KALRN: variants seen among roughly 807,000 people sequenced by gnomAD.
KALRN encodes kalirin.
A neutral mutation model predicts 353.7 loss-of-function variants in KALRN; 70 were observed. The ratio of observed to expected loss-of-function variants is 0.20; its 90% CI spans 0.16 to 0.24. KALRN has a LOEUF of 0.24. Among genes scored for constraint, KALRN ranks in the 10% least tolerant of loss-of-function variants. The pLI, the probability that KALRN is intolerant of heterozygous loss-of-function variation, is 1.00. For missense variants in KALRN, 2,791 were observed against 3,756.7 expected (o/e 0.74, Z 6.72); for synonymous variants, 1,391 against 1,434.8 (o/e 0.97, Z 0.69).
At chr3:124,395,739 A>C (rs2090083305) in intron 12 of KALRN, among the ~76,000 whole-genome samples, 1 of 152,196 alleles carries the variant, frequency 6.6e-6, no homozygotes, top group East Asian at 1.9e-4. Flanking sequence ...TCTGACCTCC[A>C]GTGCCCCAGT....
chr3:124,533,159 TG>T (rs2068201240), intron 33 of KALRN, among the ~76,000 whole-genome samples: 2 of 151,584 alleles, frequency 1.3e-5, no homozygotes, highest in Non-Finnish European at 2.9e-5. Flanking sequence ...GAGGCCAAGG[TG>T]GTAGGATCAC....
chr3:124,664,060 C>T (rs949054043), intron 45 of KALRN, among the ~76,000 whole-genome samples: 3 of 152,110 alleles, frequency 2.0e-5, no homozygotes, highest in East Asian at 1.9e-4. Flanking sequence ...CAGGGTTACT[C>T]GGCAGACACA....
chr3:124,677,484 A>G, intron 49 of KALRN: 1 of 413,858 alleles, frequency 2.4e-6, no homozygotes, highest in South Asian at 1.8e-5. Context: ...CTGGGAGCAC[A>G]CATTAGTTCT....
At chr3:124,125,372 A>G (rs1213065648) in intron 1 of KALRN, among the ~76,000 whole-genome samples, 1 of 152,232 alleles carries the variant, frequency 6.6e-6, no homozygotes, top group Non-Finnish European at 1.5e-5. Flanking sequence ...AGAACAGACA[A>G]CTACACATGA....
At chr3:124,399,262 C>T (rs544302250) in intron 13 of KALRN, among the ~76,000 whole-genome samples, 1 of 152,298 alleles carries the variant, frequency 6.6e-6, no homozygotes, top group Admixed American at 6.5e-5. Context: ...CCTCAGCCTC[C>T]CGAATAGCTG....
intron 3 of KALRN, among the ~76,000 whole-genome samples, chr3:124,247,924 A>T (rs1024740894): frequency 2.0e-5 from 3 of 152,048 alleles, no homozygotes; most frequent in Non-Finnish European, 4.4e-5. Flanking sequence ...ACCCCATCTC[A>T]TGTTTTCTTA....
intron 2 of KALRN, among the ~76,000 whole-genome samples, chr3:124,229,808 G>A (rs971025714): frequency 7.2e-5 from 11 of 152,226 alleles, no homozygotes; most frequent in African/African-American, 2.4e-4. Context: ...AGCAGTAGTA[G>A]CAATAGTAAT....
chr3:124,085,880 G>A (rs892219353), intron 1 of KALRN, among the ~76,000 whole-genome samples: 2 of 152,198 alleles, frequency 1.3e-5, no homozygotes, highest in African/African-American at 4.8e-5. Flanking sequence ...TAGGCATAGT[G>A]AAATACATAT....
intron 6 of KALRN, among the ~76,000 whole-genome samples, chr3:124,318,992 A>G (rs957044576): frequency 6.6e-6 from 1 of 152,078 alleles, no homozygotes; most frequent in Admixed American, 6.6e-5. Flanking sequence ...GTGGTTTTGT[A>G]TTCTTGTCTT....
At chr3:124,202,586 T>A (rs921406731) in intron 1 of KALRN, among the ~76,000 whole-genome samples, 1 of 152,050 alleles carries the variant, frequency 6.6e-6, no homozygotes, top group Non-Finnish European at 1.5e-5. Flanking sequence ...GGTAACCTAA[T>A]TTTCTTTGAA....
intron 51 of KALRN, among the ~76,000 whole-genome samples, chr3:124,679,926 C>T (rs2087598050): frequency 6.6e-6 from 1 of 152,136 alleles, no homozygotes; most frequent in Non-Finnish European, 1.5e-5. Context: ...TTTTGTTTTC[C>T]CCTCCTCCGC....
At chr3:124,600,069 G>C (rs189194603) in intron 34 of KALRN, among the ~76,000 whole-genome samples, 182 of 152,346 alleles carry the variant, frequency 1.2e-3, no homozygotes, top group African/African-American at 4.1e-3. Flanking sequence ...GTGTGTGTAG[G>C]AGTTAGAAGA....
At chr3:124,603,834 T>C (rs1424729634) in intron 34 of KALRN, among the ~76,000 whole-genome samples, 1 of 152,146 alleles carries the variant, frequency 6.6e-6, no homozygotes, top group African/African-American at 2.4e-5. Context: ...TGAAGGTGTT[T>C]TTACCTTATA....
chr3:124,483,572 TAATA>T (rs144026199), intron 28 of KALRN, among the ~76,000 whole-genome samples: 23,060 of 151,704 alleles, frequency 0.15, 1,949 homozygotes, highest in South Asian at 0.21. Flanking sequence ...GAATAATAAT[TAATA>T]AATAAATAAA....
At chr3:124,113,627 T>C (rs887200459) in intron 1 of KALRN, among the ~76,000 whole-genome samples, 17 of 152,058 alleles carry the variant, frequency 1.1e-4, no homozygotes, top group Admixed American at 8.5e-4. Flanking sequence ...AGTGAAGCCA[T>C]TGGTAGTTTC....
At chr3:124,618,146 T>TCTCCCAGG (rs2078841743) in intron 34 of KALRN, among the ~76,000 whole-genome samples, 1 of 126,980 alleles carries the variant, frequency 7.9e-6, no homozygotes, top group South Asian at 2.7e-4. Context: ...TCTCGCTCTG[T>TCTCCCAGG]CTCCCAGGCT....
intron 1 of KALRN, among the ~76,000 whole-genome samples, chr3:124,214,668 A>C (rs2150540094): frequency 6.6e-6 from 1 of 152,320 alleles, no homozygotes; most frequent in South Asian, 2.1e-4. Flanking sequence ...AATCTAAGCA[A>C]CCTGGGGACA....
At chr3:124,613,901 A>G (rs1337536312) in intron 34 of KALRN, among the ~76,000 whole-genome samples, 1 of 152,160 alleles carries the variant, frequency 6.6e-6, no homozygotes, top group Non-Finnish European at 1.5e-5. Context: ...CCAGTGTTCT[A>G]TGTCCTGATG....
chr3:124,385,855 AC>A (rs1423242232), intron 11 of KALRN, among the ~76,000 whole-genome samples: 1 of 152,160 alleles, frequency 6.6e-6, no homozygotes, highest in African/African-American at 2.4e-5. Flanking sequence ...ATCTCTAATA[AC>A]AGCCTTGGCA....
Sources: gnomAD v4.1 joint callset for allele counts (sites outside exome capture counted in the v4.1 genomes callset) on GRCh38, gnomAD v4.1.1 for gene constraint, MANE v1.5 for transcripts, NCBI Gene and HGNC (gene_info 2026-07-23, HGNC 2026-07-21) for gene names.